KIRREL3: variants seen among roughly 807,000 people sequenced by gnomAD.
KIRREL3 encodes kirre like nephrin family adhesion molecule 3.
KIRREL3 carries 36 observed loss-of-function variants against 89.7 expected under a neutral mutation model. The ratio of observed to expected loss-of-function variants is 0.40; its 90% CI spans 0.31 to 0.53. KIRREL3 has a LOEUF of 0.53. KIRREL3 is among the 20% of genes least tolerant of loss of function. The pLI is 0.49. For synonymous variants in KIRREL3, 445 were observed against 441.4 expected (o/e 1.01, Z -0.10); for missense variants, 864 against 1,056.6 (o/e 0.82, Z 2.53).
rs1958423233 is a variant in KIRREL3, at chr11:126,516,826, CTCACGCTTGTAA to C, written c.433+4477_433+4488del. Among the ~76,000 whole-genome samples the C allele has an allele frequency of 6.6e-6, 1 of 152,200 alleles. No homozygotes were observed. Among genetic ancestry groups the C allele is most frequent in the Non-Finnish European group, 1.5e-5 (1 of 68,028 alleles). On this transcript the variant is annotated intron_variant, in intron 4 of 16. Coordinates refer to ENST00000525144, the MANE Select transcript of KIRREL3 (RefSeq NM_032531.4). This position sits in a 1 kb window ranked among gnomAD's most constrained non-coding sequence, Gnocchi z 4.9. Reference sequence around the variant, plus strand: ...CAACTTTAAAATACAGGCGGGGTGGCTCACGCTTGTAATCCCAGCACTTTGGGAGGCCAAGAT... The same window carrying C: ...CAACTTTAAAATACAGGCGGGGTGGCTCCCAGCACTTTGGGAGGCCAAGAT...
rs1216307330 is a variant in KIRREL3 at position 126,558,998 on chromosome 11, T to C, written c.133+3837A>G. 2.0e-5 allele frequency among the ~76,000 whole-genome samples: 3 copies of C among 152,116 alleles called. No individual in the cohort carries two copies. Among genetic ancestry groups the C allele is most frequent in the African/African-American group, 7.2e-5 (3 of 41,420 alleles). On this transcript the variant is annotated intron_variant, in intron 2 of 16. Coordinates refer to ENST00000525144, the MANE Select transcript of KIRREL3 (RefSeq NM_032531.4). This position sits in a 1 kb window ranked among gnomAD's most constrained non-coding sequence, Gnocchi z 4.0. ...ACCAGTGAGAGTAAACTGGATCTAC[T>C]TAAAGATGTCCTGAGAGCATGGGCT... is the stretch of plus-strand genomic sequence containing the variant.
chr11:126,852,590 C>G (rs182634987), intron 1 of KIRREL3, among the ~76,000 whole-genome samples: 1 of 152,166 alleles, frequency 6.6e-6, no homozygotes, highest in East Asian at 1.9e-4. Context: ...TGAGCTATCT[C>G]TACTTTAATA....
rs1392686763 is a variant in KIRREL3 at position 126,983,287 on chromosome 11, A to C, written c.55+17168T>G. On this transcript the variant is annotated intron_variant, in intron 1 of 16. Coordinates refer to ENST00000525144, the MANE Select transcript of KIRREL3 (RefSeq NM_032531.4). This position sits in a 1 kb window ranked among gnomAD's most constrained non-coding sequence, Gnocchi z 4.9. The stretch of plus-strand genomic sequence containing the variant: ...CTCTAACTTACAAGTAGTGAGGCTG[A>C]GGCACAGATTTCTTACACAGAGAGG... Among the ~76,000 whole-genome samples the C allele has an allele frequency of 1.3e-5, 2 of 152,176 alleles. No homozygotes were observed. Among genetic ancestry groups the C allele is most frequent in the Non-Finnish European group, 2.9e-5 (2 of 68,028 alleles).
At chr11:126,939,531 T>C (rs903090015) in intron 1 of KIRREL3, among the ~76,000 whole-genome samples, 1 of 152,198 alleles carries the variant, frequency 6.6e-6, no homozygotes, top group African/African-American at 2.4e-5. Flanking sequence ...GGGACTCTCC[T>C]GGCCACCTTA....
At chr11:126,549,940 G>T (rs771970949) in intron 2 of KIRREL3, 14 of 152,198 alleles carry the variant, frequency 9.2e-5, no homozygotes, top group Non-Finnish European at 1.5e-4. Flanking sequence ...ACATCTCACA[G>T]GGCTTATTTC....
chr11:126,441,299 T>G lies in KIRREL3; in HGVS notation c.1253-750A>C, dbSNP rs1343880857. On this transcript the variant is annotated intron_variant, in intron 10 of 16. Coordinates refer to ENST00000525144, the MANE Select transcript of KIRREL3 (RefSeq NM_032531.4). The surrounding 1 kb of genome is among the most constrained non-coding windows in gnomAD (Gnocchi z 5.0). ...GCACATGTTTATGGGTGTCAGGTTC[T>G]GAGAGCGCCTGTCTCATTCACCACA... Among the ~76,000 whole-genome samples, 1 of 152,254 alleles carries G rather than the reference T, an allele frequency of 6.6e-6. No individual in the cohort carries two copies. The highest frequency in any genetic ancestry group is 1.5e-5 in the Non-Finnish European group (1 of 68,042).
intron 1 of KIRREL3, among the ~76,000 whole-genome samples, chr11:126,583,277 C>T (rs1941653510): frequency 6.6e-6 from 1 of 152,218 alleles, no homozygotes; most frequent in African/African-American, 2.4e-5. Flanking sequence ...CTAGGCCTGC[C>T]AGCAGCTCTA....
At position 126,583,460 on chromosome 11, in the gene KIRREL3, C is replaced by T. The variant is rs933536600; in HGVS notation, c.56-20548G>A. On this transcript the variant is annotated intron_variant, in intron 1 of 16. Coordinates refer to ENST00000525144, the MANE Select transcript of KIRREL3 (RefSeq NM_032531.4). ...ACCAATGATAACACCCTGCCAAGGG[C>T]CTCAGCACGAGCACCAGGAGCTTCT... is the stretch of plus-strand genomic sequence containing the variant. Among the ~76,000 whole-genome samples, 4 of 152,154 alleles carry T rather than the reference C, an allele frequency of 2.6e-5. No individual in the cohort carries two copies. The South Asian group carries it at 8.3e-4, about 32-fold the overall frequency.
At chr11:126,581,652 ATT>A (rs34231665) in intron 1 of KIRREL3, among the ~76,000 whole-genome samples, 8 of 151,386 alleles carry the variant, frequency 5.3e-5, no homozygotes, top group Admixed American at 2.6e-4. Flanking sequence ...CATATGTATC[ATT>A]TTTTTTTTGT....
At chr11:126,505,927 A>AT (rs1215655118) in intron 4 of KIRREL3, among the ~76,000 whole-genome samples, 8 of 152,262 alleles carry the variant, frequency 5.3e-5, no homozygotes, top group Admixed American at 2.6e-4. Flanking sequence ...TCCAGCAACC[A>AT]TTTTTTTGCA....
intron 6 of KIRREL3, among the ~76,000 whole-genome samples, chr11:126,460,297 G>C (rs1413593774): frequency 1.3e-5 from 2 of 152,204 alleles, no homozygotes; most frequent in African/African-American, 4.8e-5. Context: ...CCTGACAGCA[G>C]CTGGTAGGTG....
intron 1 of KIRREL3, among the ~76,000 whole-genome samples, chr11:126,692,860 G>A (rs1349106387): frequency 1.3e-5 from 2 of 152,154 alleles, no homozygotes; most frequent in Non-Finnish European, 2.9e-5. Flanking sequence ...GGATCTACCC[G>A]CTTTGCAATG....
intron 1 of KIRREL3, among the ~76,000 whole-genome samples, chr11:126,633,132 G>A (rs575570420): frequency 3.3e-5 from 5 of 152,052 alleles, no homozygotes; most frequent in Non-Finnish European, 7.4e-5. Context: ...TCCAGTCTAA[G>A]CACTGCCATG....
rs575476919 is a variant in KIRREL3 at position 126,600,171 on chromosome 11, G to GCCCGTATCCGTAT, written c.56-37260_56-37259insATACGGATACGGG. On this transcript the variant is annotated intron_variant, in intron 1 of 16. Coordinates refer to ENST00000525144, the MANE Select transcript of KIRREL3 (RefSeq NM_032531.4). ...GGCAAGAACTTGAGTGTAGCCTGTA[G>GCCCGTATCCGTAT]CCAGTATCCAGTGGGCAAATGAGGC... Among the ~76,000 whole-genome samples, 262 of 152,300 alleles carry GCCCGTATCCGTAT rather than the reference G, an allele frequency of 1.7e-3. 2 individuals carry two copies. Among genetic ancestry groups the GCCCGTATCCGTAT allele is most frequent in the African/African-American group, 5.9e-3 (246 of 41,546 alleles).
In KIRREL3 at chr11:126,744,375, G is replaced by A. The variant is rs752939196; in HGVS notation, c.56-181463C>T. On this transcript the variant is annotated intron_variant, in intron 1 of 16. Transcript: ENST00000525144. This position sits in a 1 kb window ranked among gnomAD's most constrained non-coding sequence, Gnocchi z 4.7. Reference sequence around the variant, plus strand: ...GCTGACCAGAGAGGATGAAAGGGAAGCTGGAGGCAGGGAGGTCAGGACTGC... The same window carrying A: ...GCTGACCAGAGAGGATGAAAGGGAAACTGGAGGCAGGGAGGTCAGGACTGC... Among the ~76,000 whole-genome samples the A allele has an allele frequency of 4.6e-5, 7 of 152,160 alleles. No individual in the cohort carries two copies. Among genetic ancestry groups the A allele is most frequent in the Non-Finnish European group, 7.4e-5 (5 of 68,022 alleles).
chr11:126,486,369 G>T lies in KIRREL3; in HGVS notation c.434-12903C>A, dbSNP rs1957359244. 6.6e-6 allele frequency among the ~76,000 whole-genome samples: 1 copy of T among 152,168 alleles called. No homozygotes were observed. Among genetic ancestry groups the T allele is most frequent in the Non-Finnish European group, 1.5e-5 (1 of 68,024 alleles). ...GAAGGCCAGTGTGTGGTGCTGGGTG[G>T]CTTACACTCACCCTCCCAGTCCTGC... On this transcript the variant is annotated intron_variant, in intron 4 of 16. Transcript: ENST00000525144. The surrounding 1 kb of genome is among the most constrained non-coding windows in gnomAD (Gnocchi z 6.2).
chr11:126,431,490 A>G lies in KIRREL3; in HGVS notation c.1625T>C (p.Val542Ala), dbSNP rs1955126602. 2 of 1,613,908 alleles carry G rather than the reference A, an allele frequency of 1.2e-6. No individual in the cohort carries two copies. Among genetic ancestry groups the G allele is most frequent in the African/African-American group, 1.3e-5 (1 of 74,944 alleles). The change falls in exon 14 of 17, where the codon GTA becomes GCA. Residue 542 changes from valine (V) to alanine (A), a missense_variant. Coordinates refer to ENST00000525144, the MANE Select transcript of KIRREL3 (RefSeq NM_032531.4). This position sits in a 1 kb window ranked among gnomAD's most constrained non-coding sequence, Gnocchi z 7.1. ...GACGAGGAAGGCCACACCAGCTCCT[A>G]CGGCCACCCCAATGATGACGGCCAT... is the stretch of plus-strand genomic sequence containing the variant. ...VPMAVIIGVA[V>A]GAGVAFLVLM...
At chr11:126,849,640 G>A (rs1471319144) in intron 1 of KIRREL3, among the ~76,000 whole-genome samples, 1 of 152,190 alleles carries the variant, frequency 6.6e-6, no homozygotes, top group South Asian at 2.1e-4. Flanking sequence ...CTTGGGCAAC[G>A]CAGAGATGTC....
chr11:126,516,511 T>C lies in KIRREL3; in HGVS notation c.433+4804A>G, dbSNP rs2134414093. ...GCCTTCTCTCTGCCAGAATGCAAGC[T>C]CCACCAGGGCAAGGATGGTTTTCTC... is the stretch of plus-strand genomic sequence containing the variant. On this transcript the variant is annotated intron_variant, in intron 4 of 16. Coordinates refer to ENST00000525144, the MANE Select transcript of KIRREL3 (RefSeq NM_032531.4). The surrounding 1 kb of genome is among the most constrained non-coding windows in gnomAD (Gnocchi z 4.9). Among the ~76,000 whole-genome samples, 1 of 152,292 alleles carries C rather than the reference T, an allele frequency of 6.6e-6. No homozygotes were observed. The highest frequency in any genetic ancestry group is 2.4e-5 in the African/African-American group (1 of 41,562).
Sources: gnomAD v4.1 joint callset for allele counts (sites outside exome capture counted in the v4.1 genomes callset) on GRCh38, gnomAD v4.1.1 for gene constraint, Gnocchi (gnomAD v3.1) non-coding constraint, MANE v1.5 for transcripts, NCBI Gene and HGNC (gene_info 2026-07-23, HGNC 2026-07-21) for gene names.